C8B: variants seen among roughly 807,000 people sequenced by gnomAD.
C8B encodes the protein complement component C8 beta chain.
In C8B, 67 loss-of-function variants were observed where a neutral mutation model predicts 64.6. The ratio of observed to expected loss-of-function variants is 1.04; its 90% CI spans 0.85 to 1.27. C8B has a LOEUF of 1.27. C8B is among the 50% of genes most tolerant of loss of function. The pLI is 0.00. For missense variants in C8B, 790 were observed against 725.2 expected (o/e 1.09, Z -1.03); for synonymous variants, 284 against 257.7 (o/e 1.10, Z -0.98).
At chr1:56,959,416 G>A in intron 2 of C8B, 1 of 687,774 alleles carries the variant, frequency 1.5e-6, no homozygotes, top group Non-Finnish European at 2.6e-6. Context: ...TCCAACTGGA[G>A]GTAGGGCTGA....
At chr1:56,936,229 T>C (rs1644772591) in intron 9 of C8B, among the ~76,000 whole-genome samples, 1 of 152,260 alleles carries the variant, frequency 6.6e-6, no homozygotes, top group South Asian at 2.1e-4. Flanking sequence ...TATATCTGCT[T>C]AAATTCTGTT....
At chr1:56,947,241 G>T (rs1038846993) in intron 6 of C8B, among the ~76,000 whole-genome samples, 2 of 152,104 alleles carry the variant, frequency 1.3e-5, no homozygotes, top group Admixed American at 6.5e-5. Context: ...AATAAAATCA[G>T]CTCCCCTACT....
At chr1:56,948,802 T>A (rs975608216) in intron 6 of C8B, among the ~76,000 whole-genome samples, 5 of 152,184 alleles carry the variant, frequency 3.3e-5, no homozygotes, top group Admixed American at 6.5e-5. Flanking sequence ...GAAGAGGTCT[T>A]GGGTAACATT....
chr1:56,939,386 C>T (rs1265370363), intron 9 of C8B, among the ~76,000 whole-genome samples: 2 of 152,262 alleles, frequency 1.3e-5, no homozygotes, highest in East Asian at 1.9e-4. Context: ...TGAATGGCAG[C>T]CTTCTTGTTC....
intron 8 of C8B, among the ~76,000 whole-genome samples, chr1:56,943,275 C>T (rs983682386): frequency 3.9e-5 from 6 of 152,006 alleles, no homozygotes; most frequent in Non-Finnish European, 8.8e-5. Context: ...GACACTTGTA[C>T]GTGCGTACCA....
chr1:56,959,993 A>G, intron 2 of C8B, 27 bp downstream of exon 2: 1 of 1,613,746 alleles, frequency 6.2e-7, no homozygotes, highest in Non-Finnish European at 8.5e-7. Flanking sequence ...CTGGAAGCTT[A>G]GAGCTGTCCC....
intron 2 of C8B, among the ~76,000 whole-genome samples, chr1:56,957,596 C>T (rs563746000): frequency 3.9e-5 from 6 of 152,088 alleles, no homozygotes; most frequent in Non-Finnish European, 8.8e-5. Flanking sequence ...TTTATTATTG[C>T]TTTTTAGCAG....
intron 11 of C8B, 24 bp from the exon 12 acceptor site, chr1:56,929,582 C>A: frequency 1.2e-6 from 2 of 1,610,298 alleles, no homozygotes; most frequent in Non-Finnish European, 1.7e-6. Context: ...GGTCAATAAG[C>A]ATCAATCAGC....
chr1:56,950,461 T>C (rs1252417319), intron 5 of C8B, among the ~76,000 whole-genome samples: 1 of 152,090 alleles, frequency 6.6e-6, no homozygotes, highest in Non-Finnish European at 1.5e-5. Flanking sequence ...CATGGCACTG[T>C]GTGTAGGGGA....
chr1:56,930,120 A>C (rs1257009059), intron 11 of C8B, among the ~76,000 whole-genome samples: 2 of 152,216 alleles, frequency 1.3e-5, no homozygotes, highest in African/African-American at 4.8e-5. Context: ...TAAATAAATG[A>C]ATGAATGTTT....
rs150146785 is a variant in C8B, at chr1:56,949,695, G to A, written c.724C>T (p.Arg242Cys). 1.8e-4 allele frequency: 284 copies of A among 1,613,824 alleles called. 1 individual carries two copies. In the African/African-American group the frequency reaches 2.9e-3, roughly 16 times the overall value. ...KEYESYSDFE[R>C]NVTEKMASKS... ...CTTGCCATTTTCTCTGTGACATTGC[G>A]TTCAAAATCTGAGTATGATTCATAC... The change falls in exon 6 of 12, where the codon CGC becomes TGC. Residue 242 changes from arginine (R) to cysteine (C), a missense_variant. Physicochemically the swap from Arg to Cys is radical, Grantham distance 180. Coordinates refer to ENST00000371237, the MANE Select transcript of C8B (RefSeq NM_000066.4).
chr1:56,956,809 T>A lies in C8B; in HGVS notation c.351A>T (p.Gly117=), dbSNP rs1282667618. 1.2e-6 allele frequency: 2 copies of A among 1,614,080 alleles called. No homozygotes were observed. Among genetic ancestry groups the A allele is most frequent in the Admixed American group, 3.3e-5 (2 of 60,006 alleles). ...VEDCVTNRPC[G]SQVRCEGFVC... ...CAAAGCCTTCACATCGCACTTGACT[T>A]CCGCATGGTCTGTTGGTAACACAGT... The change falls in exon 3 of 12, where the codon GGA becomes GGT. Residue 117 remains glycine (G), a synonymous_variant. Transcript: ENST00000371237.
At chr1:56,948,938 T>C (rs1327999389) in intron 6 of C8B, among the ~76,000 whole-genome samples, 3 of 152,070 alleles carry the variant, frequency 2.0e-5, no homozygotes, top group African/African-American at 7.2e-5. Flanking sequence ...GGGAAAAGTT[T>C]ATTAGAAAAT....
chr1:56,960,325 A>G, intron 1 of C8B, 149 bp from the exon 2 acceptor site: 1 of 683,180 alleles, frequency 1.5e-6, no homozygotes, highest in Non-Finnish European at 2.6e-6. Context: ...TCCTGGAATT[A>G]ATTAATTAAT....
At position 56,929,550 on chromosome 1, in the gene C8B, TG is replaced by T. The variant is rs762770227; in HGVS notation, c.1629del (p.Ile544LeufsTer51). 2 of 1,613,670 alleles carry T rather than the reference TG, an allele frequency of 1.2e-6. No homozygotes were observed. The highest frequency in any genetic ancestry group is 1.7e-6 in the Non-Finnish European group (2 of 1,179,638). On this transcript the variant is annotated frameshift_variant, in exon 12 of 12. Coordinates refer to ENST00000371237, the MANE Select transcript of C8B (RefSeq NM_000066.4). LOFTEE classifies it high-confidence loss of function. ...ACEVSYRKNT[P>X]IDGKWNCWSN... ...GACCAGCAATTCCACTTCCCATCAA[TG>T]GGGGTATCTATAAGAAAGAAGGTCA... is the stretch of plus-strand genomic sequence containing the variant.
At position 56,949,073 on chromosome 1, in the gene C8B, C is replaced by T. The variant is rs567178853; in HGVS notation, c.864+482G>A. Among the ~76,000 whole-genome samples, 5 of 151,380 alleles carry T rather than the reference C, an allele frequency of 3.3e-5. No homozygotes were observed. In the East Asian group the frequency reaches 9.7e-4, roughly 29 times the overall value. On this transcript the variant is annotated intron_variant, in intron 6 of 11. Transcript: ENST00000371237. ...AATTGGTTGTTAGAACTAGTTGTAA[C>T]GTGGAATATAGACACATTTGGGGCA...
intron 4 of C8B, among the ~76,000 whole-genome samples, chr1:56,953,285 T>A (rs1343727912): frequency 1.3e-5 from 2 of 152,208 alleles, no homozygotes; most frequent in Non-Finnish European, 2.9e-5. Context: ...TCACCAGAAT[T>A]GTCTGGGGTC....
rs769022032 is a variant in C8B at position 56,960,006 on chromosome 1, G to A, written c.249+14C>T. On this transcript the variant is annotated intron_variant, in intron 2 of 11. Coordinates refer to ENST00000371237, the MANE Select transcript of C8B (RefSeq NM_000066.4). ...TCCTGGAAGCTTAGAGCTGTCCCAG[G>A]CCTGGTTGCTTACCCTTTTCTTCTG... is the stretch of plus-strand genomic sequence containing the variant. 1 of 1,614,058 alleles carries A rather than the reference G, an allele frequency of 6.2e-7. No individual in the cohort carries two copies. The highest frequency in any genetic ancestry group is 8.5e-7 in the Non-Finnish European group (1 of 1,179,958).
intron 9 of C8B, among the ~76,000 whole-genome samples, chr1:56,935,222 C>T (rs150652594): frequency 6.7e-4 from 102 of 152,328 alleles, no homozygotes; most frequent in Admixed American, 1.4e-3. Context: ...CTAGGCTTCT[C>T]CAAATTTTGC....
Sources: gnomAD v4.1 joint callset for allele counts (sites outside exome capture counted in the v4.1 genomes callset) on GRCh38, gnomAD v4.1.1 for gene constraint, MANE v1.5 for transcripts, NCBI Gene and HGNC (gene_info 2026-07-23, HGNC 2026-07-21) for gene names.